ARL1: variants seen among roughly 807,000 people sequenced by gnomAD.
The protein encoded by ARL1 is ARF like GTPase 1.
A neutral mutation model predicts 30.1 loss-of-function variants in ARL1; 17 were observed. The observed-to-expected ratio is 0.56, with a 90% CI of 0.39 to 0.85. The LOEUF is 0.85. Ranked by LOEUF, ARL1 falls within the 40% of genes least tolerant of loss-of-function variation. ARL1 has a pLI of 0.00. For missense variants in ARL1, 102 were observed against 212.6 expected, an observed-to-expected ratio of 0.48 and a Z score of 3.24; for synonymous variants, 58 against 71.7, an observed-to-expected ratio of 0.81 and a Z score of 0.97.
At position 101,407,732 on chromosome 12, in the gene ARL1, T is replaced by G; in HGVS notation, c.-87A>C. The stretch of plus-strand genomic sequence containing the variant: ...CGAGGCGGTTTCCTCGCAAGCCCAG[T>G]CAGCCAGCAACTTCCACGTCGGACT... On this transcript the variant is annotated 5_prime_UTR_variant, in exon 1 of 6. Transcript: ENST00000261636. 3.1e-6 allele frequency: 5 copies of G among 1,591,606 alleles called. No individual in the cohort carries two copies. Among genetic ancestry groups the G allele is most frequent in the Non-Finnish European group, 4.3e-6 (5 of 1,165,288 alleles).
chr12:101,407,765 G>T lies in ARL1; in HGVS notation c.-120C>A. The T allele has an allele frequency of 6.8e-7, 1 of 1,474,068 alleles. No individual in the cohort carries two copies. Among genetic ancestry groups the T allele is most frequent in the Non-Finnish European group, 9.4e-7 (1 of 1,064,098 alleles). The allele number at this position is 1,474,068 out of a possible 1,614,324, so 91.3% of individuals were successfully genotyped here. A position where few individuals can be genotyped will look rare whatever the true frequency, so the allele number is the denominator to read the frequency against. ...CAACTTCCACGTCGGACTCCAGGCG[G>T]GGGCGGGAGCGAGGGTCAGCTGCGA... On this transcript the variant is annotated 5_prime_UTR_variant, in exon 1 of 6. Transcript: ENST00000261636.
At chr12:101,402,816 A>C (rs778467890) in intron 3 of ARL1, 49 bp downstream of exon 3, 2 of 1,334,616 alleles carry the variant, frequency 1.5e-6, no homozygotes, top group African/African-American at 1.4e-5. Context: ...CCCTTAAAAG[A>C]ATCAATAAAT....
chr12:101,406,789 G>C (rs1486179510), intron 1 of ARL1, among the ~76,000 whole-genome samples: 2 of 152,190 alleles, frequency 1.3e-5, no homozygotes, highest in East Asian at 3.8e-4. Flanking sequence ...ACTTGACAAA[G>C]TCCTTTCTAC....
chr12:101,396,068 G>C, intron 5 of ARL1: 1 of 571,942 alleles, frequency 1.7e-6, no homozygotes, highest in Non-Finnish European at 3.1e-6. Flanking sequence ...TGATTAGGCA[G>C]TAGGAATAGA....
At chr12:101,402,987 C>A (rs1468010158) in intron 2 of ARL1, 41 bp from the exon 3 acceptor site, 10 of 1,365,648 alleles carry the variant, frequency 7.3e-6, no homozygotes, top group Non-Finnish European at 1.0e-5. Context: ...TAGACTAATA[C>A]ATTCCACCTT....
chr12:101,401,995 A>T (rs1871318791), intron 3 of ARL1, among the ~76,000 whole-genome samples: 1 of 151,784 alleles, frequency 6.6e-6, no homozygotes, highest in South Asian at 2.1e-4. Flanking sequence ...GCACAATTTA[A>T]AAAAAAAGAA....
chr12:101,406,358 C>A (rs75655218), intron 1 of ARL1, among the ~76,000 whole-genome samples: 2 of 152,118 alleles, frequency 1.3e-5, no homozygotes, highest in Non-Finnish European at 1.5e-5. Flanking sequence ...CAATGTAATC[C>A]TCGCACAGGA....
rs181155769 is a variant in ARL1 at position 101,393,731 on chromosome 12, G to A, written c.*1909C>T. 11 of 152,224 alleles carry A rather than the reference G, an allele frequency of 7.2e-5. No individual in the cohort carries two copies. The highest frequency in any genetic ancestry group is 6.8e-3 in the Middle Eastern group (2 of 294). 9.4% of individuals were successfully genotyped at this position (152,224 alleles called of 1,614,324 possible). On this transcript the variant is annotated 3_prime_UTR_variant, in exon 6 of 6. Coordinates refer to ENST00000261636, the MANE Select transcript of ARL1 (RefSeq NM_001177.6). ...TCAAGATGGCCAGCGGCTACATGCC[G>A]GGTCTGCCTGCCAGGACCTTACTTC...
chr12:101,397,763 A>C (rs540896255), intron 4 of ARL1, among the ~76,000 whole-genome samples: 1 of 152,012 alleles, frequency 6.6e-6, no homozygotes, highest in Non-Finnish European at 1.5e-5. Context: ...CGGCCTCCCA[A>C]AGTGCTGGGA....
At chr12:101,404,877 C>T (rs1052003839) in intron 2 of ARL1, among the ~76,000 whole-genome samples, 3 of 151,914 alleles carry the variant, frequency 2.0e-5, no homozygotes, top group Non-Finnish European at 4.4e-5. Flanking sequence ...TACATATACA[C>T]ATATATATTT....
intron 4 of ARL1, among the ~76,000 whole-genome samples, chr12:101,398,304 G>A (rs1181627374): frequency 2.6e-5 from 4 of 151,262 alleles, no homozygotes; most frequent in Non-Finnish European, 4.4e-5. Context: ...GCTGAGGCAG[G>A]AGAATTGCTT....
chr12:101,405,338 T>C (rs1394864731), intron 2 of ARL1, among the ~76,000 whole-genome samples: 1 of 152,222 alleles, frequency 6.6e-6, no homozygotes, highest in Non-Finnish European at 1.5e-5. Flanking sequence ...AACATTTATA[T>C]AATTCTTTAC....
In ARL1 at chr12:101,393,166, T is replaced by A. The variant is rs1871054905; in HGVS notation, c.*2474A>T. ...TTTTAATCAATACATATTTATTGAG[T>A]GCCTACTGTGTGCCAGGTGCACCAC... On this transcript the variant is annotated 3_prime_UTR_variant, in exon 6 of 6. Coordinates refer to ENST00000261636, the MANE Select transcript of ARL1 (RefSeq NM_001177.6). The A allele has an allele frequency of 6.6e-6, 1 of 152,166 alleles. No homozygotes were observed. The allele number at this position is 152,166 out of a possible 1,614,324, so 9.4% of individuals were successfully genotyped here.
chr12:101,406,017 C>A, intron 1 of ARL1, 36 bp from the exon 2 acceptor site: 2 of 1,511,752 alleles, frequency 1.3e-6, no homozygotes, highest in South Asian at 1.3e-5. Context: ...TACACAATGT[C>A]ATTTTGTGAA....
rs1281217385 is a variant in ARL1, at chr12:101,394,468, TAC to T, written c.*1170_*1171del. On this transcript the variant is annotated 3_prime_UTR_variant, in exon 6 of 6. Transcript: ENST00000261636. ...TTTGAACATGAATTGTTTTTAAACTTACAGTCTAGCAATAAGCCTAATTTTTA... is the reference window on the plus strand; with the variant it reads ...TTTGAACATGAATTGTTTTTAAACTTAGTCTAGCAATAAGCCTAATTTTTA... 1.3e-5 allele frequency: 2 copies of T among 152,348 alleles called. No individual in the cohort carries two copies. The highest frequency in any genetic ancestry group is 1.9e-4 in the East Asian group (1 of 5,192). 9.4% of individuals were successfully genotyped at this position (152,348 alleles called of 1,614,324 possible).
At chr12:101,399,811 T>A (rs552148830) in intron 4 of ARL1, among the ~76,000 whole-genome samples, 1 of 152,224 alleles carries the variant, frequency 6.6e-6, no homozygotes, top group Non-Finnish European at 1.5e-5. Flanking sequence ...TTAACTTCAG[T>A]GAATAAGATG....
At chr12:101,397,095 C>A (rs954613328) in intron 4 of ARL1, among the ~76,000 whole-genome samples, 1 of 152,064 alleles carries the variant, frequency 6.6e-6, no homozygotes, top group African/African-American at 2.4e-5. Context: ...AATCTGTTTC[C>A]TTAACACAAT....
At chr12:101,402,283 G>A (rs1871325882) in intron 3 of ARL1, among the ~76,000 whole-genome samples, 1 of 152,088 alleles carries the variant, frequency 6.6e-6, no homozygotes, top group Non-Finnish European at 1.5e-5. Flanking sequence ...CCCAAGTCCT[G>A]GTACAAGCAA....
chr12:101,402,942 A>G lies in ARL1; in HGVS notation c.147T>C (p.Ile49=). ...VGEVVTTIPT[I]GFNVETVTYK... ...ACGTCACCGTCTCTACATTAAATCC[A>G]ATGGCTGGAAGAGAAATCAAATCAG... Residue 49 remains isoleucine, a synonymous_variant, in exon 3 of 6, where the codon ATT becomes ATC. Transcript: ENST00000261636. 1 of 1,611,752 alleles carries G rather than the reference A, an allele frequency of 6.2e-7. No individual in the cohort carries two copies. The highest frequency in any genetic ancestry group is 8.5e-7 in the Non-Finnish European group (1 of 1,178,310).
Sources: gnomAD v4.1 joint callset for allele counts (sites outside exome capture counted in the v4.1 genomes callset) on GRCh38, gnomAD v4.1.1 for gene constraint, MANE v1.5 for transcripts, NCBI Gene and HGNC (gene_info 2026-07-23, HGNC 2026-07-21) for gene names.